LRBA: variants seen among roughly 807,000 people sequenced by gnomAD.
The protein encoded by LRBA is lipopolysaccharide-responsive and beige-like anchor protein.
Under a neutral mutation model 330.0 loss-of-function variants are expected in LRBA, and 176 were observed. That is an observed-to-expected ratio of 0.53 (90% CI 0.47 to 0.60). The LOEUF (loss-of-function observed/expected upper bound fraction) is 0.60. Ranked by LOEUF, LRBA falls within the 20% of genes least tolerant of loss-of-function variation. The pLI is 0.00. For missense variants in LRBA, 3,259 were observed against 3,444.8 expected, an observed-to-expected ratio of 0.95 and a Z score of 1.35; for synonymous variants, 1,230 against 1,193.0, an observed-to-expected ratio of 1.03 and a Z score of -0.64.
At chr4:150,668,304 C>T (rs1781743721) in intron 37 of LRBA, among the ~76,000 whole-genome samples, 1 of 152,130 alleles carries the variant, frequency 6.6e-6, no homozygotes, top group Admixed American at 6.5e-5. Context: ...CCTAGGCTGA[C>T]TTAAGACAAT....
At chr4:150,842,832 T>C (rs1578966970) in intron 28 of LRBA, among the ~76,000 whole-genome samples, 1 of 152,162 alleles carries the variant, frequency 6.6e-6, no homozygotes, top group Admixed American at 6.5e-5. Flanking sequence ...ATATACAGCA[T>C]TGGTCCCCAA....
At position 150,435,673 on chromosome 4, in the gene LRBA, T is replaced by C; in HGVS notation, c.6957A>G (p.Gly2319=). 6.2e-7 allele frequency: 1 copy of C among 1,610,818 alleles called. No individual in the cohort carries two copies. The highest frequency in any genetic ancestry group is 1.1e-5 in the South Asian group (1 of 90,310). ...PFTTYFLNLQ[G]GKFDHADRTF... ...TTCGATCTGCATGATCAAATTTGCC[T>C]CCTTGCAAATTTAGGAAATAAGTTG... Residue 2319 remains glycine (G), a synonymous_variant, in exon 46 of 57, where the codon GGA becomes GGG. Transcript: ENST00000651943.
chr4:150,518,599 G>A (rs1053152351), intron 40 of LRBA, among the ~76,000 whole-genome samples: 7 of 151,776 alleles, frequency 4.6e-5, no homozygotes, highest in Admixed American at 1.3e-4. Context: ...AGAATTCTTC[G>A]CCTACAACCA....
intron 44 of LRBA, among the ~76,000 whole-genome samples, chr4:150,466,336 T>G (rs991548698): frequency 6.6e-6 from 1 of 152,098 alleles, no homozygotes; most frequent in Admixed American, 6.6e-5. Context: ...CTGGATATGT[T>G]GAGTGAACTT....
At chr4:150,470,862 C>CAT (rs1756026102) in intron 43 of LRBA, among the ~76,000 whole-genome samples, 1 of 125,118 alleles carries the variant, frequency 8.0e-6, no homozygotes, top group Admixed American at 8.5e-5. Flanking sequence ...CACACACACA[C>CAT]ACACACACAC....
chr4:150,341,018 G>A (rs1045796341), intron 48 of LRBA, among the ~76,000 whole-genome samples: 4 of 152,168 alleles, frequency 2.6e-5, no homozygotes, highest in Admixed American at 1.3e-4. Flanking sequence ...TTGGCAGCTC[G>A]GTGGAAAGTG....
chr4:150,832,869 A>C (rs2126831099), intron 28 of LRBA, among the ~76,000 whole-genome samples: 1 of 152,264 alleles, frequency 6.6e-6, no homozygotes, highest in South Asian at 2.1e-4. Flanking sequence ...TCCCATGCTC[A>C]AGAGATCTTC....
At chr4:150,764,656 T>C (rs1449717177) in intron 34 of LRBA, among the ~76,000 whole-genome samples, 1 of 151,962 alleles carries the variant, frequency 6.6e-6, no homozygotes. Context: ...GATATACAAA[T>C]GGCAAATAAG....
At chr4:150,598,906 G>T in intron 38 of LRBA, 101 bp downstream of exon 38, 1 of 1,368,622 alleles carries the variant, frequency 7.3e-7, no homozygotes, top group Non-Finnish European at 1.0e-6. Context: ...ATAAAATGTG[G>T]TGTTGGACCA....
rs566138814 is a variant in LRBA at position 150,440,016 on chromosome 4, T to G, written c.6781-3152A>C. 7.4e-4 allele frequency among the ~76,000 whole-genome samples: 113 copies of G among 152,292 alleles called. 1 individual carries two copies. Among genetic ancestry groups the G allele is most frequent in the Admixed American group, 6.5e-4 (10 of 15,288 alleles). On this transcript the variant is annotated intron_variant, in intron 44 of 56. Coordinates refer to ENST00000651943, the MANE Select transcript of LRBA (RefSeq NM_001364905.1). ...TTCATCTCTGCAAAAGAACTAAAAG[T>G]AAATGCTGACGGATCCTCTTACTTA... is the stretch of plus-strand genomic sequence containing the variant.
chr4:150,613,575 A>T (rs563939701), intron 37 of LRBA, among the ~76,000 whole-genome samples: 16 of 152,126 alleles, frequency 1.1e-4, no homozygotes, highest in African/African-American at 3.6e-4. Context: ...GATCATGAAG[A>T]ATCATTTTAG....
intron 37 of LRBA, among the ~76,000 whole-genome samples, chr4:150,670,999 GAT>G (rs1561497157): frequency 5.9e-5 from 4 of 67,720 alleles, no homozygotes; most frequent in African/African-American, 2.6e-4. Flanking sequence ...CAACATAGCT[GAT>G]GTGTGTGTGT....
chr4:150,424,464 T>C (rs1315830701), intron 46 of LRBA, among the ~76,000 whole-genome samples: 3 of 152,122 alleles, frequency 2.0e-5, no homozygotes, highest in African/African-American at 2.4e-5. Flanking sequence ...CTAAGAAAGA[T>C]TAACAAAAAT....
At chr4:150,572,728 A>C (rs1004878410) in intron 40 of LRBA, among the ~76,000 whole-genome samples, 8 of 152,222 alleles carry the variant, frequency 5.3e-5, no homozygotes, top group African/African-American at 1.9e-4. Context: ...TGTCAGTTAA[A>C]GGTTGGGCGA....
intron 2 of LRBA, among the ~76,000 whole-genome samples, chr4:150,967,803 G>GTA (rs1739071152): frequency 1.3e-5 from 2 of 152,028 alleles, no homozygotes; most frequent in South Asian, 4.1e-4. Context: ...CTGTTCTGGG[G>GTA]TATCATAAAC....
chr4:150,400,166 A>G (rs1260712390), intron 47 of LRBA, among the ~76,000 whole-genome samples: 1 of 152,216 alleles, frequency 6.6e-6, no homozygotes, highest in African/African-American at 2.4e-5. Flanking sequence ...AATTGTGAAG[A>G]TCATTCCAAG....
At chr4:150,888,616 C>T (rs1335469443) in intron 17 of LRBA, among the ~76,000 whole-genome samples, 2 of 151,846 alleles carry the variant, frequency 1.3e-5, no homozygotes, top group Non-Finnish European at 2.9e-5. Context: ...ATCTCTAGAG[C>T]AACCACCAAA....
chr4:150,776,038 ATGT>A (rs1440452700), intron 34 of LRBA, among the ~76,000 whole-genome samples: 1 of 152,214 alleles, frequency 6.6e-6, no homozygotes, highest in African/African-American at 2.4e-5. Flanking sequence ...GTTTTAACAA[ATGT>A]TATTATGAAA....
chr4:150,591,930 T>C (rs1253999664), intron 38 of LRBA, among the ~76,000 whole-genome samples: 1 of 152,092 alleles, frequency 6.6e-6, no homozygotes, highest in Non-Finnish European at 1.5e-5. Flanking sequence ...GCTTTCTCCT[T>C]ACGACAAGCA....
Sources: gnomAD v4.1 joint callset for allele counts (sites outside exome capture counted in the v4.1 genomes callset) on GRCh38, gnomAD v4.1.1 for gene constraint, MANE v1.5 for transcripts, NCBI Gene and HGNC (gene_info 2026-07-23, HGNC 2026-07-21) for gene names.